The following AUTS2 variants were observed in gnomAD, a reference collection of about 807,000 sequenced individuals.
AUTS2 encodes activator of transcription and developmental regulator AUTS2.
Under a neutral mutation model 112.4 loss-of-function variants are expected in AUTS2, and 17 were observed. The ratio of observed to expected loss-of-function variants is 0.15; its 90% CI spans 0.10 to 0.23. The LOEUF (loss-of-function observed/expected upper bound fraction) is 0.23. Among genes scored for constraint, AUTS2 ranks in the 10% least tolerant of loss-of-function variants. The pLI is 1.00. For synonymous variants in AUTS2, 751 were observed against 702.7 expected (o/e 1.07, Z -1.09); for missense variants, 1,510 against 1,701.6 (o/e 0.89, Z 1.98).
chr7:70,303,639 A>T (rs1415964866), intron 4 of AUTS2, among the ~76,000 whole-genome samples: 2 of 152,128 alleles, frequency 1.3e-5, no homozygotes, highest in African/African-American at 4.8e-5. Flanking sequence ...TTTCAGATAG[A>T]AGACACTCCA....
intron 2 of AUTS2, among the ~76,000 whole-genome samples, chr7:70,007,103 C>G (rs916667689): frequency 6.6e-6 from 1 of 152,064 alleles, no homozygotes; most frequent in Admixed American, 6.6e-5. Flanking sequence ...CTTGCATTAC[C>G]TAGTGCAAAC....
chr7:69,792,247 TG>T lies in AUTS2; in HGVS notation c.310-107038del, dbSNP rs71533296. ...TTAAGTTGTTGTTTTTTTTTTGTTT[TG>T]TTTTTTTTTAAGACGGAGTCTCGCT... On this transcript the variant is annotated intron_variant, in intron 1 of 18. Coordinates refer to ENST00000342771, the MANE Select transcript of AUTS2 (RefSeq NM_015570.4). 4.2e-3 allele frequency among the ~76,000 whole-genome samples: 631 copies of T among 151,174 alleles called. 10 individuals are homozygous for T. Among genetic ancestry groups the T allele is most frequent in the East Asian group, 0.013 (65 of 5,156 alleles).
chr7:70,196,008 A>G lies in AUTS2; in HGVS notation c.660+61437A>G, dbSNP rs112325202. Among the ~76,000 whole-genome samples, 243 of 152,312 alleles carry G rather than the reference A, an allele frequency of 1.6e-3. 6 individuals carry two copies. The highest frequency in any genetic ancestry group is 5.5e-3 in the African/African-American group (229 of 41,574). ...TAAATGATGTTGCTGTGCCCATAAG[A>G]AAGGCAGGTATTGGGCAGTAATGAA... is the stretch of plus-strand genomic sequence containing the variant. On this transcript the variant is annotated intron_variant, in intron 4 of 18. Transcript: ENST00000342771.
intron 5 of AUTS2, among the ~76,000 whole-genome samples, chr7:70,656,140 C>T (rs1806757884): frequency 1.3e-5 from 2 of 151,790 alleles, no homozygotes; most frequent in South Asian, 4.2e-4. Flanking sequence ...CTGTCTATCC[C>T]TTTTGGGGGA....
At chr7:69,875,012 T>C (rs1793668576) in intron 1 of AUTS2, among the ~76,000 whole-genome samples, 1 of 151,944 alleles carries the variant, frequency 6.6e-6, no homozygotes, top group East Asian at 1.9e-4. Flanking sequence ...TGATTATCTA[T>C]TGACTATAAT....
chr7:69,673,144 T>G (rs888258649), intron 1 of AUTS2, among the ~76,000 whole-genome samples: 14 of 152,210 alleles, frequency 9.2e-5, no homozygotes, highest in African/African-American at 3.1e-4. Flanking sequence ...CCTAGATACT[T>G]AAAAAAATTT....
At chr7:70,149,575 A>G (rs1353914104) in intron 4 of AUTS2, among the ~76,000 whole-genome samples, 5 of 152,068 alleles carry the variant, frequency 3.3e-5, no homozygotes, top group Non-Finnish European at 7.4e-5. Context: ...AGCCACACAC[A>G]TCTCTTATGC....
At chr7:69,616,795 G>A (rs1793405121) in intron 1 of AUTS2, among the ~76,000 whole-genome samples, 1 of 152,238 alleles carries the variant, frequency 6.6e-6, no homozygotes, top group Admixed American at 6.5e-5. Flanking sequence ...AGTCATTTGA[G>A]GGGAGATCCT....
intron 2 of AUTS2, among the ~76,000 whole-genome samples, chr7:69,997,450 C>A (rs1407192382): frequency 6.6e-6 from 1 of 152,102 alleles, no homozygotes; most frequent in African/African-American, 2.4e-5. Context: ...ATATAGACAC[C>A]TGGTGTGTTA....
chr7:70,118,158 G>A lies in AUTS2; in HGVS notation c.549G>A (p.Arg183=). 6.2e-7 allele frequency: 1 copy of A among 1,611,062 alleles called. No homozygotes were observed. Among genetic ancestry groups the A allele is most frequent in the South Asian group, 1.1e-5 (1 of 90,802 alleles). ...RQLKPGQNSC[R]DSDSESASGE... ...TCAAGCCAGGACAGAACAGCTGCAG[G>A]GACAGTGACAGTGAAAGTGCCAGTG... is the stretch of plus-strand genomic sequence containing the variant. The change falls in exon 3 of 19, where the codon AGG becomes AGA. Residue 183 remains arginine, a synonymous_variant. Coordinates refer to ENST00000342771, the MANE Select transcript of AUTS2 (RefSeq NM_015570.4).
chr7:70,430,828 CTTTTTTT>C (rs745358887), intron 4 of AUTS2, among the ~76,000 whole-genome samples: 5 of 94,498 alleles, frequency 5.3e-5, no homozygotes, highest in Admixed American at 1.3e-4. Flanking sequence ...GCAGTGTCGC[CTTTTTTT>C]TTTTTTTTTT....
intron 2 of AUTS2, among the ~76,000 whole-genome samples, chr7:70,060,615 T>C (rs1802199915): frequency 6.6e-6 from 1 of 152,238 alleles, no homozygotes; most frequent in African/African-American, 2.4e-5. Flanking sequence ...GCTTATGTAA[T>C]CTTTTATGTC....
At chr7:69,723,063 C>T (rs1036971774) in intron 1 of AUTS2, among the ~76,000 whole-genome samples, 3 of 152,058 alleles carry the variant, frequency 2.0e-5, no homozygotes, top group Admixed American at 2.0e-4. Context: ...TCATGTTGTA[C>T]GTGCAGCTGC....
intron 5 of AUTS2, among the ~76,000 whole-genome samples, chr7:70,633,032 C>T (rs947972180): frequency 6.6e-5 from 10 of 152,120 alleles, no homozygotes; most frequent in African/African-American, 2.2e-4. Flanking sequence ...AATGGAAATT[C>T]GCATGGGGCG....
At chr7:70,256,433 A>G (rs1186216488) in intron 4 of AUTS2, among the ~76,000 whole-genome samples, 1 of 152,202 alleles carries the variant, frequency 6.6e-6, no homozygotes, top group East Asian at 1.9e-4. Context: ...AAGAAGGCTT[A>G]TAGTGGCTGA....
In AUTS2 at chr7:69,987,358, TG is replaced by T. The variant is rs1426124918; in HGVS notation, c.522+87864del. ...GCTGTGAAGGTCATTTGGGGACAAC[TG>T]GGGAAATCTGAAAGTTGGACTGCAT... On this transcript the variant is annotated intron_variant, in intron 2 of 18. Coordinates refer to ENST00000342771, the MANE Select transcript of AUTS2 (RefSeq NM_015570.4). Among the ~76,000 whole-genome samples, 6 of 152,328 alleles carry T rather than the reference TG, an allele frequency of 3.9e-5. No homozygotes were observed. The East Asian group carries it at 1.2e-3, about 29-fold the overall frequency.
intron 2 of AUTS2, among the ~76,000 whole-genome samples, chr7:70,112,281 T>G (rs1369784590): frequency 6.6e-6 from 1 of 151,982 alleles, no homozygotes; most frequent in East Asian, 1.9e-4. Flanking sequence ...ATATGGATAT[T>G]CAACATAAAA....
chr7:70,184,051 A>T (rs1386103776), intron 4 of AUTS2, among the ~76,000 whole-genome samples: 1 of 152,096 alleles, frequency 6.6e-6, no homozygotes, highest in Non-Finnish European at 1.5e-5. Context: ...AATTTAGGTA[A>T]GTCGGATTTT....
chr7:69,971,224 T>C (rs1797837035), intron 2 of AUTS2, among the ~76,000 whole-genome samples: 2 of 152,120 alleles, frequency 1.3e-5, no homozygotes, highest in Non-Finnish European at 2.9e-5. Context: ...AATCTGTGAC[T>C]TTTTCCCAGG....
Sources: allele counts gnomAD v4.1 joint callset (sites outside exome capture counted in the v4.1 genomes callset), GRCh38; gene constraint gnomAD v4.1.1; transcripts MANE v1.5; gene names NCBI Gene and HGNC (gene_info 2026-07-23, HGNC 2026-07-21).